Variants in DAB1 observed in about 807,000 individuals in gnomAD.
The protein encoded by DAB1 is disabled homolog 1.
In DAB1, 15 loss-of-function variants were observed where a neutral mutation model predicts 64.6. The ratio of observed to expected loss-of-function variants is 0.23; its 90% CI spans 0.16 to 0.36. DAB1 has a LOEUF of 0.36. Among genes scored for constraint, DAB1 ranks in the 10% least tolerant of loss-of-function variants. The probability of loss-of-function intolerance (pLI) is 1.00; values close to 1 mark genes in which losing one functional copy is unlikely to be tolerated. For missense variants in DAB1, 596 were observed against 706.7 expected, an observed-to-expected ratio of 0.84 and a Z score of 1.78; for synonymous variants, 235 against 251.9, an observed-to-expected ratio of 0.93 and a Z score of 0.64.
intron 5 of DAB1, among the ~76,000 whole-genome samples, chr1:58,008,289 T>C (rs1646616071): frequency 6.6e-6 from 1 of 152,098 alleles, no homozygotes; most frequent in Admixed American, 6.6e-5. Flanking sequence ...TTCCAAACAG[T>C]TAAGGTGTAT....
chr1:57,558,491 T>G (rs1645015488), intron 7 of DAB1, among the ~76,000 whole-genome samples: 1 of 152,124 alleles, frequency 6.6e-6, no homozygotes, highest in Non-Finnish European at 1.5e-5. Flanking sequence ...TTCTAATTCA[T>G]ATAAACAGAA....
chr1:58,496,443 C>T (rs1468012347), intron 3 of DAB1, among the ~76,000 whole-genome samples: 2 of 152,130 alleles, frequency 1.3e-5, no homozygotes, highest in African/African-American at 4.8e-5. Flanking sequence ...ATGTTCTTGC[C>T]GCCTTGCCTG....
At chr1:57,264,701 C>T (rs1670455187) in intron 2 of DAB1, among the ~76,000 whole-genome samples, 1 of 152,130 alleles carries the variant, frequency 6.6e-6, no homozygotes, top group South Asian at 2.1e-4. Flanking sequence ...ATCTCCCCAC[C>T]CTCCCAGGCT....
intron 5 of DAB1, among the ~76,000 whole-genome samples, chr1:58,070,828 G>A (rs149960836): frequency 2.1e-4 from 32 of 152,276 alleles, no homozygotes; most frequent in Non-Finnish European, 3.7e-4. Flanking sequence ...CTGTGTGACC[G>A]GATGAATGGA....
At chr1:57,018,808 G>A (rs1295906013) in intron 11 of DAB1, among the ~76,000 whole-genome samples, 2 of 152,258 alleles carry the variant, frequency 1.3e-5, no homozygotes, top group South Asian at 4.2e-4. Context: ...CGTCCTTGGG[G>A]GTCAGCTCCT....
At chr1:58,455,347 A>G (rs1447495815) in intron 3 of DAB1, among the ~76,000 whole-genome samples, 2 of 152,262 alleles carry the variant, frequency 1.3e-5, no homozygotes, top group African/African-American at 4.8e-5. Flanking sequence ...GTCAGTCATC[A>G]GGGAGGGGTG....
At chr1:57,391,534 A>G (rs1682352762) in intron 1 of DAB1, among the ~76,000 whole-genome samples, 1 of 152,186 alleles carries the variant, frequency 6.6e-6, no homozygotes, top group African/African-American at 2.4e-5. Context: ...AATCTCCAAG[A>G]GCATGAGCCC....
chr1:57,702,660 T>A (rs3126022), intron 6 of DAB1, among the ~76,000 whole-genome samples: 7,659 of 152,214 alleles, frequency 0.05, 655 homozygotes, highest in African/African-American at 0.17. Context: ...ATCATCAGAA[T>A]CTAGAGCAGT....
At chr1:58,113,416 AT>A (rs1005717835) in intron 5 of DAB1, among the ~76,000 whole-genome samples, 3 of 152,126 alleles carry the variant, frequency 2.0e-5, no homozygotes, top group African/African-American at 7.2e-5. Flanking sequence ...GGCCTGTATC[AT>A]TTGCCATTAG....
At chr1:58,472,979 AGGGTGTTCT>A (rs1645377361) in intron 3 of DAB1, among the ~76,000 whole-genome samples, 1 of 152,156 alleles carries the variant, frequency 6.6e-6, no homozygotes, top group Non-Finnish European at 1.5e-5. Context: ...CTGCCTTCTC[AGGGTGTTCT>A]ATGGGCAGGT....
intron 4 of DAB1, among the ~76,000 whole-genome samples, chr1:58,195,144 C>G (rs74074994): frequency 3.7e-5 from 3 of 81,776 alleles, no homozygotes; most frequent in Non-Finnish European, 4.7e-5. Context: ...GAGAGAGAGA[C>G]AGAGAGACAG....
chr1:58,367,904 G>T (rs151329780), intron 3 of DAB1, among the ~76,000 whole-genome samples: 2 of 152,298 alleles, frequency 1.3e-5, no homozygotes. Context: ...TAAAGCACCA[G>T]GTTGGGGATG....
intron 2 of DAB1, among the ~76,000 whole-genome samples, chr1:57,152,689 T>C (rs1659804161): frequency 6.6e-6 from 1 of 152,246 alleles, no homozygotes; most frequent in Non-Finnish European, 1.5e-5. Flanking sequence ...CAAGTGATAA[T>C]TGTATACGAT....
rs116225545 is a variant in DAB1, at chr1:57,947,967, T to C, written n.388-63805A>G. On this transcript the variant is annotated intron_variant and non_coding_transcript_variant, in intron 5 of 20. Transcript: ENST00000485760. ...CTTCTGTAGCCTCCTCTCCAGCTTC[T>C]GTGCATTACACTTTGGGCTCAAGAA... 4.4e-3 allele frequency among the ~76,000 whole-genome samples: 669 copies of C among 152,320 alleles called. 5 individuals are homozygous for C. Among genetic ancestry groups the C allele is most frequent in the African/African-American group, 0.015 (626 of 41,576 alleles).
At chr1:58,305,337 A>G (rs1369543027) in intron 4 of DAB1, among the ~76,000 whole-genome samples, 1 of 152,158 alleles carries the variant, frequency 6.6e-6, no homozygotes, top group Non-Finnish European at 1.5e-5. Flanking sequence ...CACAACCACT[A>G]TTAACATTTT....
intron 4 of DAB1, among the ~76,000 whole-genome samples, chr1:58,263,725 T>C (rs1334441999): frequency 6.6e-6 from 1 of 152,226 alleles, no homozygotes; most frequent in Non-Finnish European, 1.5e-5. Context: ...CCAACATTTA[T>C]TTAGCTCTAA....
chr1:57,692,155 C>T (rs534611496), intron 6 of DAB1, among the ~76,000 whole-genome samples: 1 of 152,162 alleles, frequency 6.6e-6, no homozygotes, highest in Non-Finnish European at 1.5e-5. Flanking sequence ...TGAGACTCGC[C>T]CATCTATCCT....
At chr1:57,732,675 G>A (rs969611670) in intron 6 of DAB1, among the ~76,000 whole-genome samples, 1 of 152,190 alleles carries the variant, frequency 6.6e-6, no homozygotes, top group African/African-American at 2.4e-5. Context: ...GGAGAAAAGG[G>A]TAGTGAGGAA....
chr1:58,049,055 C>T (rs922875097), intron 5 of DAB1: 15 of 784,590 alleles, frequency 1.9e-5, no homozygotes, highest in African/African-American at 1.3e-4. Context: ...CTCTTCCACC[C>T]ACCTTGTGTG....
Sources: allele counts gnomAD v4.1 joint callset (sites outside exome capture counted in the v4.1 genomes callset), GRCh38; gene constraint gnomAD v4.1.1; transcripts MANE v1.5; gene names NCBI Gene and HGNC (gene_info 2026-07-23, HGNC 2026-07-21).